The following CAPN8 variants were observed in gnomAD, a reference collection of about 807,000 sequenced individuals.
CAPN8 encodes the protein calpain-8.
Under a neutral mutation model 80.9 loss-of-function variants are expected in CAPN8, and 87 were observed. The observed-to-expected ratio is 1.07, with a 90% confidence interval of 0.90 to 1.28. The LOEUF (loss-of-function observed/expected upper bound fraction) is 1.28, where lower values mean the gene tolerates loss of function less well. CAPN8 is among the 50% of genes most tolerant of loss of function. The probability of loss-of-function intolerance (pLI) is 0.00; values close to 1 mark genes in which losing one functional copy is unlikely to be tolerated. For synonymous variants in CAPN8, 299 were observed against 273.8 expected (o/e 1.09, Z -0.91); for missense variants, 757 against 702.0 (o/e 1.08, Z -0.89).
intron 19 of CAPN8, among the ~76,000 whole-genome samples, chr1:223,543,684 G>A (rs1372308010): frequency 1.3e-5 from 2 of 152,182 alleles, no homozygotes; most frequent in Non-Finnish European, 2.9e-5. Context: ...TTCATTGGAA[G>A]GTGGCACATG....
Position 223,628,125 on chromosome 1 carries a change from C to T in CAPN8, c.444G>A (p.Glu148=), listed in dbSNP as rs1657651139. Residue 148 remains glutamate, a synonymous_variant, in exon 4 of 21, where the codon GAG becomes GAA. Transcript: ENST00000366872. ...TGTCGTCAATGACCACCTCCACCCA[C>T]TCTCCGTACTGCCAGAACTGGGGAG... ...IFHFQFWQYG[E]WVEVVIDDRL... 1 of 1,549,088 alleles carries T rather than the reference C, an allele frequency of 6.5e-7. No homozygotes were observed. Among genetic ancestry groups the T allele is most frequent in the African/African-American group, 1.4e-5 (1 of 73,048 alleles).
intron 2 of CAPN8, among the ~76,000 whole-genome samples, chr1:223,632,130 T>G (rs1463907417): frequency 6.6e-6 from 1 of 152,206 alleles, no homozygotes; most frequent in Non-Finnish European, 1.5e-5. Flanking sequence ...ACCCAGCTCT[T>G]GCAAGCAAGC....
At chr1:223,643,085 C>T (rs1212919599) in intron 2 of CAPN8, among the ~76,000 whole-genome samples, 1 of 152,158 alleles carries the variant, frequency 6.6e-6, no homozygotes, top group Non-Finnish European at 1.5e-5. Context: ...TTATAATGCT[C>T]TTTGGTTTCA....
At chr1:223,624,667 T>G (rs998187668) in intron 6 of CAPN8, among the ~76,000 whole-genome samples, 1 of 152,020 alleles carries the variant, frequency 6.6e-6, no homozygotes, top group Admixed American at 6.5e-5. Context: ...TGAGCCAAGA[T>G]CATGCAACTG....
chr1:223,662,914 G>A (rs1221021291), intron 1 of CAPN8, among the ~76,000 whole-genome samples: 3 of 152,216 alleles, frequency 2.0e-5, no homozygotes, highest in Non-Finnish European at 2.9e-5. Context: ...AGATCTTAGA[G>A]GATAAGTCTG....
chr1:223,640,178 A>G (rs1658008892), intron 2 of CAPN8, among the ~76,000 whole-genome samples: 2 of 152,252 alleles, frequency 1.3e-5, no homozygotes, highest in South Asian at 4.2e-4. Flanking sequence ...TTACATTGCA[A>G]TAACATAAAA....
At chr1:223,550,140 G>T (rs949500905) in intron 15 of CAPN8, among the ~76,000 whole-genome samples, 1 of 152,130 alleles carries the variant, frequency 6.6e-6, no homozygotes, top group Non-Finnish European at 1.5e-5. Flanking sequence ...AGCCAAGACA[G>T]GTGCCAAAGA....
chr1:223,552,424 C>T (rs898228006), intron 14 of CAPN8, among the ~76,000 whole-genome samples: 146 of 152,070 alleles, frequency 9.6e-4, no homozygotes, highest in African/African-American at 3.1e-3. Context: ...ATTATCCAGG[C>T]GTTGTGGCTG....
intron 2 of CAPN8, among the ~76,000 whole-genome samples, chr1:223,645,564 G>A (rs1472919482): frequency 1.3e-5 from 2 of 152,170 alleles, no homozygotes; most frequent in East Asian, 1.9e-4. Flanking sequence ...GGGGGTGGGG[G>A]GACCACTCCA....
At chr1:223,544,498 G>A (rs1427709077) in intron 18 of CAPN8, among the ~76,000 whole-genome samples, 1 of 152,166 alleles carries the variant, frequency 6.6e-6, no homozygotes, top group African/African-American at 2.4e-5. Context: ...GTTCCTGTCT[G>A]TCTCCTTCAT....
chr1:223,631,666 A>G (rs1489702067), intron 2 of CAPN8, among the ~76,000 whole-genome samples: 2 of 152,206 alleles, frequency 1.3e-5, no homozygotes, highest in African/African-American at 2.4e-5. Flanking sequence ...GCAAATCTCC[A>G]ACAGCATCTT....
chr1:223,549,347 T>G lies in CAPN8; in HGVS notation c.1735A>C (p.Thr579Pro). The G allele has an allele frequency of 1.9e-6, 3 of 1,551,674 alleles. No homozygotes were observed. Among genetic ancestry groups the G allele is most frequent in the Non-Finnish European group, 1.7e-6 (2 of 1,147,024 alleles). ...DIKFDGFNIN[T>P]CREMISLLDS... ...AACAGACTGATCATTTCCCTGCAAG[T>G]GTTGATGTTGAATCCATCGAATTTT... Residue 579 changes from threonine (T) to proline (P), a missense_variant, in exon 16 of 21, where the codon ACT (threonine) becomes CCT (proline). Physicochemically the swap from Thr to Pro is conservative, Grantham distance 38. Transcript: ENST00000366872.
intron 10 of CAPN8, among the ~76,000 whole-genome samples, chr1:223,613,344 G>C (rs1657083626): frequency 6.6e-6 from 1 of 152,200 alleles, no homozygotes; most frequent in East Asian, 1.9e-4. Context: ...CCCATGCAGA[G>C]GCCTCACAAG....
At chr1:223,638,430 G>A (rs548779554) in intron 2 of CAPN8, among the ~76,000 whole-genome samples, 181 of 152,180 alleles carry the variant, frequency 1.2e-3, no homozygotes, top group Non-Finnish European at 2.0e-3. Context: ...AGATATCAAA[G>A]ATACACATGA....
chr1:223,551,687 C>A (rs75835442), intron 14 of CAPN8, among the ~76,000 whole-genome samples: 107 of 152,352 alleles, frequency 7.0e-4, no homozygotes, highest in East Asian at 6.9e-3. Flanking sequence ...ATCCTTAAAT[C>A]CTCAGCACAA....
chr1:223,648,510 G>C (rs1258385239), intron 2 of CAPN8, among the ~76,000 whole-genome samples: 1 of 152,210 alleles, frequency 6.6e-6, no homozygotes, highest in Non-Finnish European at 1.5e-5. Flanking sequence ...TAAAGATGCT[G>C]ACACTACTCC....
In CAPN8 at chr1:223,544,051, G is replaced by C; in HGVS notation, c.2029+16C>G. 1.4e-6 allele frequency: 1 copy of C among 717,582 alleles called. No homozygotes were observed. The highest frequency in any genetic ancestry group is 2.6e-6 in the Non-Finnish European group (1 of 385,058). 44.5% of individuals were successfully genotyped at this position (717,582 alleles called of 1,614,324 possible). ...TTGGGATTAATAGGATGGGGCTGGA[G>C]GACAGAGTGACTCACTGAAGAGGGT... On this transcript the variant is annotated intron_variant, in intron 19 of 20. Coordinates refer to ENST00000366872, the MANE Select transcript of CAPN8 (RefSeq NM_001143962.2).
intron 11 of CAPN8, among the ~76,000 whole-genome samples, chr1:223,610,340 C>T (rs1190879177): frequency 6.6e-6 from 1 of 152,208 alleles, no homozygotes; most frequent in Non-Finnish European, 1.5e-5. Context: ...CAGGACTCCA[C>T]ATAGAGCCCT....
At chr1:223,647,887 G>A (rs989482673) in intron 2 of CAPN8, among the ~76,000 whole-genome samples, 3 of 152,164 alleles carry the variant, frequency 2.0e-5, no homozygotes, top group East Asian at 1.9e-4. Context: ...GTGAGCAGAC[G>A]TGGGGTTTTG....
Sources: allele counts gnomAD v4.1 joint callset (sites outside exome capture counted in the v4.1 genomes callset), GRCh38; gene constraint gnomAD v4.1.1; transcripts MANE v1.5; gene names NCBI Gene and HGNC (gene_info 2026-07-23, HGNC 2026-07-21).